ZNF771: variants seen among roughly 807,000 people sequenced by gnomAD.
ZNF771 encodes zinc finger protein 771.
In ZNF771, 10 loss-of-function variants were observed where a neutral mutation model predicts 27.6. The observed-to-expected ratio is 0.36, with a 90% CI of 0.22 to 0.61. The LOEUF (loss-of-function observed/expected upper bound fraction) is 0.61. Ranked by LOEUF, ZNF771 falls within the 20% of genes least tolerant of loss-of-function variation. ZNF771 has a pLI of 0.70. For synonymous variants in ZNF771, 261 were observed against 225.2 expected (o/e 1.16, Z -1.43); for missense variants, 438 against 503.7 (o/e 0.87, Z 1.25).
chr16:30,416,178 T>G (rs2050132944), intron 2 of ZNF771, among the ~76,000 whole-genome samples: 1 of 152,132 alleles, frequency 6.6e-6, no homozygotes, highest in African/African-American at 2.4e-5. Flanking sequence ...TCTCCTGCTC[T>G]CCTCCCTCCC....
chr16:30,418,382 C>T lies in ZNF771; in HGVS notation c.*15C>T, dbSNP rs2050150354. The stretch of plus-strand genomic sequence containing the variant: ...AGGGCAGCTGAGTCCCGCAGGGCTG[C>T]GGAGGGGCGCGCTGGGGCTTCGACC... On this transcript the variant is annotated 3_prime_UTR_variant, in exon 3 of 3. Coordinates refer to ENST00000319296, the MANE Select transcript of ZNF771 (RefSeq NM_001142305.2). The T allele has an allele frequency of 2.2e-6, 3 of 1,368,518 alleles. No homozygotes were observed. Among genetic ancestry groups the T allele is most frequent in the Non-Finnish European group, 2.8e-6 (3 of 1,064,856 alleles). 84.8% of individuals were successfully genotyped at this position (1,368,518 alleles called of 1,614,324 possible). A position where few individuals can be genotyped will look rare whatever the true frequency, so the allele number is the denominator to read the frequency against.
Position 30,418,180 on chromosome 16 carries a change from AGCGGCCCTACCCCTGCGCCGAGT to A in ZNF771, c.774_796del (p.Tyr259ProfsTer49). ...GAGCACGCGCGCACGCACACAGGCG[AGCGGCCCTACCCCTGCGCCGAGT>A]GCGGCCGCCGCTTCCGCCTAAGCTC... On this transcript the variant is annotated frameshift_variant, in exon 3 of 3. Coordinates refer to ENST00000319296, the MANE Select transcript of ZNF771 (RefSeq NM_001142305.2). LOFTEE classifies it high-confidence loss of function. 6.7e-7 allele frequency: 1 copy of A among 1,489,738 alleles called. No individual in the cohort carries two copies. The highest frequency in any genetic ancestry group is 1.3e-5 in the South Asian group (1 of 78,866). 92.3% of individuals were successfully genotyped at this position (1,489,738 alleles called of 1,614,324 possible).
Position 30,418,527 on chromosome 16 carries a change from G to A in ZNF771, c.*160G>A, listed in dbSNP as rs536440990. 6.4e-5 allele frequency: 42 copies of A among 659,778 alleles called. No homozygotes were observed. In the Admixed American group the frequency reaches 1.0e-3, roughly 16 times the overall value. 40.9% of individuals were successfully genotyped at this position (659,778 alleles called of 1,614,324 possible). A position where few individuals can be genotyped will look rare whatever the true frequency, so the allele number is the denominator to read the frequency against. ...GGAGAATCCCCTGCCGGGGTCCCTG[G>A]AAACAGTGCCCACCCCACATCACTA... On this transcript the variant is annotated 3_prime_UTR_variant, in exon 3 of 3. Transcript: ENST00000319296.
rs1369905197 is a variant in ZNF771, at chr16:30,408,211, C to T, written c.141+17C>T. 6.2e-7 allele frequency: 1 copy of T among 1,613,632 alleles called. No homozygotes were observed. The highest frequency in any genetic ancestry group is 2.2e-5 in the East Asian group (1 of 44,856). ...AACAAGGAGGTATGTGTCACACACA[C>T]CCTGGGGCACACTGTCCCCAAACCT... On this transcript the variant is annotated intron_variant, in intron 2 of 2. Coordinates refer to ENST00000319296, the MANE Select transcript of ZNF771 (RefSeq NM_001142305.2).
chr16:30,417,863 G>A lies in ZNF771; in HGVS notation c.450G>A (p.Ala150=), dbSNP rs756676367. 3.9e-5 allele frequency: 58 copies of A among 1,500,422 alleles called. No homozygotes were observed. In the East Asian group the frequency reaches 7.0e-4, roughly 18 times the overall value. 92.9% of individuals were successfully genotyped at this position (1,500,422 alleles called of 1,614,324 possible). The change falls in exon 3 of 3, where the codon GCG becomes GCA. Residue 150 remains alanine, a synonymous_variant. Coordinates refer to ENST00000319296, the MANE Select transcript of ZNF771 (RefSeq NM_001142305.2). ...CGGGCGAGAAGCCGTACGCATGCGCGCACTGCGGCCGCCGCTTCGCGCAGA... is the reference window on the plus strand; with the variant it reads ...CGGGCGAGAAGCCGTACGCATGCGCACACTGCGGCCGCCGCTTCGCGCAGA... ...RHTGEKPYAC[A]HCGRRFAQSS...
chr16:30,414,035 AT>A (rs1379559313), intron 2 of ZNF771: 1 of 152,150 alleles, frequency 6.6e-6, no homozygotes, highest in African/African-American at 2.4e-5. Flanking sequence ...TGTATGGAGA[AT>A]TTCTTTTTCA....
At chr16:30,407,948 C>T in intron 1 of ZNF771, 97 bp from the exon 2 acceptor site, 1 of 875,858 alleles carries the variant, frequency 1.1e-6, no homozygotes, top group Non-Finnish European at 1.7e-6. Flanking sequence ...CGGGAGAAGC[C>T]ACGGCTGCAC....
intron 2 of ZNF771, among the ~76,000 whole-genome samples, chr16:30,410,105 C>CTTTT (rs912511119): frequency 7.0e-6 from 1 of 143,218 alleles, no homozygotes. Flanking sequence ...GATTTTTCAA[C>CTTTT]TTTTTTTTTT....
At chr16:30,409,753 T>C (rs1198506502) in intron 2 of ZNF771, among the ~76,000 whole-genome samples, 1 of 152,204 alleles carries the variant, frequency 6.6e-6, no homozygotes, top group Non-Finnish European at 1.5e-5. Context: ...TCGCCCATTA[T>C]CCAGCTCTGC....
intron 1 of ZNF771, 106 bp downstream of exon 1, chr16:30,407,770 A>C: frequency 4.3e-6 from 1 of 229,978 alleles, no homozygotes; most frequent in Non-Finnish European, 8.7e-6. Context: ...ACTCAGCGCA[A>C]GGATGGTGGC....
At chr16:30,411,008 G>GCAAGATTCC (rs1385277830) in intron 2 of ZNF771, among the ~76,000 whole-genome samples, 1 of 151,236 alleles carries the variant, frequency 6.6e-6, no homozygotes, top group African/African-American at 2.4e-5. Context: ...GGGCAACAGA[G>GCAAGATTCC]AGAGACCCTG....
chr16:30,408,369 C>T (rs887283619), intron 2 of ZNF771, among the ~76,000 whole-genome samples, 175 bp downstream of exon 2: 9 of 152,166 alleles, frequency 5.9e-5, no homozygotes, highest in Non-Finnish European at 2.9e-5. Flanking sequence ...ACAAAAGTCA[C>T]GCCTACTGTC....
At chr16:30,410,502 C>T (rs1395448890) in intron 2 of ZNF771, among the ~76,000 whole-genome samples, 2 of 152,030 alleles carry the variant, frequency 1.3e-5, no homozygotes, top group African/African-American at 4.8e-5. Flanking sequence ...CGACTCAAGG[C>T]AGTGGGGAAG....
intron 2 of ZNF771, among the ~76,000 whole-genome samples, chr16:30,410,650 G>T (rs928104081): frequency 3.3e-5 from 5 of 152,104 alleles, no homozygotes; most frequent in African/African-American, 1.2e-4. Context: ...TGGAAAGGCA[G>T]TTGGGGGACA....
Position 30,417,886 on chromosome 16 carries a change from A to T in ZNF771, c.473A>T (p.Gln158Leu). ...ACAHCGRRFA[Q>L]SSNYAQHLRV... ...GCGCACTGCGGCCGCCGCTTCGCGCAGAGCTCCAACTACGCACAGCACCTG... is the reference window on the plus strand; with the variant it reads ...GCGCACTGCGGCCGCCGCTTCGCGCTGAGCTCCAACTACGCACAGCACCTG... Residue 158 changes from glutamine (Q) to leucine (L), a missense_variant, in exon 3 of 3, where the codon CAG becomes CTG. Physicochemically the swap from Gln to Leu is moderately radical, Grantham distance 113. Around this residue, in one of 3 missense-constraint regions of ZNF771, gnomAD observed 305 missense variants for 308.0 expected, o/e 0.99. Transcript: ENST00000319296. The T allele has an allele frequency of 6.6e-7, 1 of 1,512,422 alleles. No individual in the cohort carries two copies. The highest frequency in any genetic ancestry group is 1.2e-5 in the South Asian group (1 of 81,444). The allele number at this position is 1,512,422 out of a possible 1,614,324, so 93.7% of individuals were successfully genotyped here. A position where few individuals can be genotyped will look rare whatever the true frequency, so the allele number is the denominator to read the frequency against.
chr16:30,417,531 T>A (rs2050140434), intron 2 of ZNF771, 24 bp from the exon 3 acceptor site: 1 of 1,211,942 alleles, frequency 8.3e-7, no homozygotes. Flanking sequence ...CGCTAAGGGC[T>A]GACCTATCCC....
intron 2 of ZNF771, 97 bp downstream of exon 2, chr16:30,408,291 C>G: frequency 6.4e-7 from 1 of 1,551,662 alleles, no homozygotes; most frequent in Non-Finnish European, 8.8e-7. Context: ...CCTACTTTTC[C>G]CAGAATCTCG....
chr16:30,417,867 T>G lies in ZNF771; in HGVS notation c.454T>G (p.Cys152Gly). 1 of 1,506,132 alleles carries G rather than the reference T, an allele frequency of 6.6e-7. No homozygotes were observed. Among genetic ancestry groups the G allele is most frequent in the Non-Finnish European group, 8.8e-7 (1 of 1,136,252 alleles). 93.3% of individuals were successfully genotyped at this position (1,506,132 alleles called of 1,614,324 possible). Reference sequence around the variant, plus strand: ...CGAGAAGCCGTACGCATGCGCGCACTGCGGCCGCCGCTTCGCGCAGAGCTC... The same window carrying G: ...CGAGAAGCCGTACGCATGCGCGCACGGCGGCCGCCGCTTCGCGCAGAGCTC... ...TGEKPYACAH[C>G]GRRFAQSSNY... The change falls in exon 3 of 3, where the codon TGC (cysteine) becomes GGC (glycine). Residue 152 changes from cysteine to glycine, a missense_variant. Physicochemically the swap from Cys to Gly is radical, Grantham distance 159. This residue lies in a region of ZNF771 where 305 missense variants were observed against 308.0 expected (regional missense o/e 0.99). Coordinates refer to ENST00000319296, the MANE Select transcript of ZNF771 (RefSeq NM_001142305.2).
At chr16:30,407,815 G>T (rs573317800) in intron 1 of ZNF771, among the ~76,000 whole-genome samples, 151 bp downstream of exon 1, 4 of 152,080 alleles carry the variant, frequency 2.6e-5, no homozygotes, top group African/African-American at 9.6e-5. Flanking sequence ...ACTGTTCAAG[G>T]CCTTGAATGC....
Sources: allele counts gnomAD v4.1 joint callset (sites outside exome capture counted in the v4.1 genomes callset), GRCh38; gene constraint gnomAD v4.1.1; regional missense constraint gnomAD v4.1.1; transcripts MANE v1.5; gene names NCBI Gene and HGNC (gene_info 2026-07-23, HGNC 2026-07-21).